OSBPL10: variants seen among roughly 807,000 people sequenced by gnomAD.
The protein encoded by OSBPL10 is oxysterol binding protein like 10, also known as oxysterol-binding protein-related protein 10.
OSBPL10 carries 49 observed loss-of-function variants against 81.7 expected under a neutral mutation model. The ratio of observed to expected loss-of-function variants is 0.60; its 90% confidence interval spans 0.48 to 0.76. The LOEUF (loss-of-function observed/expected upper bound fraction) is 0.76. OSBPL10 is among the 30% of genes least tolerant of loss of function. The pLI is 0.00. For synonymous variants in OSBPL10, 419 were observed against 383.6 expected (o/e 1.09, Z -1.08); for missense variants, 923 against 987.8 (o/e 0.93, Z 0.88).
At chr3:31,925,678 T>C (rs1201722754) in intron 1 of OSBPL10, among the ~76,000 whole-genome samples, 2 of 152,014 alleles carry the variant, frequency 1.3e-5, no homozygotes, top group African/African-American at 2.4e-5. Context: ...CCAGGCGTGG[T>C]TGTGGGCTCC....
rs115089194 is a variant in OSBPL10, at chr3:31,874,773, G to A, written c.537+1660C>T. On this transcript the variant is annotated intron_variant, in intron 3 of 11. Coordinates refer to ENST00000396556, the MANE Select transcript of OSBPL10 (RefSeq NM_017784.5). Reference sequence around the variant, plus strand: ...GGTGGGAGTACAAATAACGGCAACCGTTGTAGAAGACAATTTAGCAACGTC... The same window carrying A: ...GGTGGGAGTACAAATAACGGCAACCATTGTAGAAGACAATTTAGCAACGTC... 8.9e-3 allele frequency among the ~76,000 whole-genome samples: 1,356 copies of A among 152,214 alleles called. 16 individuals carry two copies. Among genetic ancestry groups the A allele is most frequent in the African/African-American group, 0.031 (1,270 of 41,532 alleles).
intron 8 of OSBPL10, among the ~76,000 whole-genome samples, chr3:31,672,386 GA>G: frequency 9.6e-6 from 1 of 103,778 alleles, no homozygotes; most frequent in Admixed American, 9.1e-5. Flanking sequence ...GAGGGAGGGA[GA>G]GGGAGAGGGA....
intron 5 of OSBPL10, among the ~76,000 whole-genome samples, chr3:31,746,171 T>C (rs1267330825): frequency 1.3e-5 from 2 of 152,206 alleles, no homozygotes; most frequent in Non-Finnish European, 2.9e-5. Context: ...CTCAAAGGAA[T>C]GCATTATTAT....
At chr3:31,797,088 G>A (rs1365557711) in intron 4 of OSBPL10, among the ~76,000 whole-genome samples, 4 of 141,920 alleles carry the variant, frequency 2.8e-5, no homozygotes, top group African/African-American at 7.9e-5. Flanking sequence ...TCTTTCTCCC[G>A]GGTTCAAGTG....
intron 7 of OSBPL10, among the ~76,000 whole-genome samples, chr3:31,696,425 C>T (rs1382893950): frequency 6.6e-6 from 1 of 152,242 alleles, no homozygotes; most frequent in African/African-American, 2.4e-5. Flanking sequence ...CTTTACTCCC[C>T]GTCTTTATAC....
chr3:31,970,492 G>T (rs922685373), intron 1 of OSBPL10, among the ~76,000 whole-genome samples: 1 of 152,196 alleles, frequency 6.6e-6, no homozygotes. Flanking sequence ...ACAACTCTGC[G>T]CTTACATCCA....
chr3:31,812,816 A>AAGAGAGAGAG (rs113963524), intron 4 of OSBPL10, among the ~76,000 whole-genome samples: 2 of 32,424 alleles, frequency 6.2e-5, no homozygotes, highest in Admixed American at 4.6e-4. Flanking sequence ...GAAAGAAAGA[A>AAGAGAGAGAG]AGAGAAAGAA....
At chr3:31,908,019 A>G (rs1446930969) in intron 1 of OSBPL10, among the ~76,000 whole-genome samples, 2 of 152,172 alleles carry the variant, frequency 1.3e-5, no homozygotes, top group South Asian at 2.1e-4. Flanking sequence ...CCTGTCTGTA[A>G]GGTGACTCTG....
intron 4 of OSBPL10, among the ~76,000 whole-genome samples, chr3:31,805,090 G>T (rs991585553): frequency 1.3e-5 from 2 of 152,182 alleles, no homozygotes; most frequent in Non-Finnish European, 2.9e-5. Flanking sequence ...TGAGCTTCAA[G>T]ACTTTGTCTT....
In OSBPL10 at chr3:31,706,608, C is replaced by T. The variant is rs562973088; in HGVS notation, c.1096-4100G>A. Among the ~76,000 whole-genome samples, 31 of 152,114 alleles carry T rather than the reference C, an allele frequency of 2.0e-4. No homozygotes were observed. The South Asian group carries it at 4.4e-3, about 21-fold the overall frequency. On this transcript the variant is annotated intron_variant, in intron 6 of 11. Transcript: ENST00000396556. ...CCAAAGCCAGGAGGCAAAACTGTGA[C>T]GTGTGTTAGGTTTGTGTGGGTCCAA... is the stretch of plus-strand genomic sequence containing the variant.
At chr3:31,846,235 G>A (rs111799680) in intron 3 of OSBPL10, among the ~76,000 whole-genome samples, 3,959 of 152,248 alleles carry the variant, frequency 0.026, 158 homozygotes, top group African/African-American at 0.091. Context: ...TTGGTCTCAA[G>A]CTCCTGGGCT....
In OSBPL10 at chr3:31,769,462, AAAAAAAAC is replaced by A. The variant is rs926438376; in HGVS notation, c.730-21350_730-21343del. Among the ~76,000 whole-genome samples the A allele has an allele frequency of 7.3e-3, 716 of 98,072 alleles. 126 individuals are homozygous for A. Among genetic ancestry groups the A allele is most frequent in the African/African-American group, 0.024 (666 of 27,972 alleles). The allele number at this position is 98,072 out of a possible 152,430, so 64.3% of individuals were successfully genotyped here. A position where few individuals can be genotyped will look rare whatever the true frequency, so the allele number is the denominator to read the frequency against. ...CTCCATCTCAAAAAAAAAAAAACAA[AAAAAAAAC>A]AAAAAAAAACAGAATAAAAATATAT... On this transcript the variant is annotated intron_variant, in intron 4 of 11. Transcript: ENST00000396556.
intron 2 of OSBPL10, among the ~76,000 whole-genome samples, chr3:32,041,633 C>G (rs2125558988): frequency 1.1e-5 from 1 of 93,252 alleles, no homozygotes; most frequent in Middle Eastern, 5.2e-3. Context: ...TTCTTTCTTT[C>G]TTTCTCTTTC....
intron 6 of OSBPL10, among the ~76,000 whole-genome samples, chr3:31,731,086 G>C (rs1052150319): frequency 3.3e-5 from 5 of 152,058 alleles, no homozygotes; most frequent in Admixed American, 3.3e-4. Flanking sequence ...AAAAACTATT[G>C]TGTGGATGTC....
intron 4 of OSBPL10, among the ~76,000 whole-genome samples, chr3:31,828,108 A>G (rs1241135694): frequency 6.6e-6 from 1 of 152,194 alleles, no homozygotes; most frequent in African/African-American, 2.4e-5. Flanking sequence ...TAAACTTTCA[A>G]CTGCCTTTGT....
intron 1 of OSBPL10, among the ~76,000 whole-genome samples, chr3:31,932,841 A>T: frequency 6.6e-6 from 1 of 150,808 alleles, no homozygotes; most frequent in African/African-American, 2.4e-5. Flanking sequence ...TTCTCTCATT[A>T]ATCAAAGCAA....
At chr3:31,777,920 G>A (rs1698585689) in intron 4 of OSBPL10, among the ~76,000 whole-genome samples, 1 of 152,256 alleles carries the variant, frequency 6.6e-6, no homozygotes, top group South Asian at 2.1e-4. Flanking sequence ...GGCACTTGGG[G>A]AAGGCAGCAG....
intron 1 of OSBPL10, among the ~76,000 whole-genome samples, chr3:31,935,529 C>CT (rs952845223): frequency 7.7e-6 from 1 of 130,396 alleles, no homozygotes; most frequent in Non-Finnish European, 1.6e-5. Flanking sequence ...TTTTTTTTTT[C>CT]TTTTTTTTCT....
At chr3:31,663,286 T>C (rs1700110719) in intron 11 of OSBPL10, 1 of 985,350 alleles carries the variant, frequency 1.0e-6, no homozygotes, top group Non-Finnish European at 1.2e-6. Flanking sequence ...TGGCTCCTCA[T>C]GAACAACTAG....
Sources: allele counts gnomAD v4.1 joint callset (sites outside exome capture counted in the v4.1 genomes callset), GRCh38; gene constraint gnomAD v4.1.1; transcripts MANE v1.5; gene names NCBI Gene and HGNC (gene_info 2026-07-23, HGNC 2026-07-21).